The following PRKG2 variants were observed in gnomAD, a reference collection of about 807,000 sequenced individuals.
The protein encoded by PRKG2 is protein kinase cGMP-dependent 2, also known as cGMP-dependent protein kinase 2.
Under a neutral mutation model 97.2 loss-of-function variants are expected in PRKG2, and 33 were observed. The ratio of observed to expected loss-of-function variants is 0.34; its 90% confidence interval spans 0.26 to 0.45. The LOEUF is 0.45. PRKG2 is among the 20% of genes least tolerant of loss of function. The pLI is 1.00. For synonymous variants in PRKG2, 330 were observed against 321.8 expected (o/e 1.03, Z -0.27); for missense variants, 638 against 900.0 (o/e 0.71, Z 3.73).
At chr4:81,197,256 T>G (rs1005787031) in intron 2 of PRKG2, among the ~76,000 whole-genome samples, 1 of 152,034 alleles carries the variant, frequency 6.6e-6, no homozygotes, top group African/African-American at 2.4e-5. Context: ...GTGTCCAGAA[T>G]GTTTTTGAGA....
chr4:81,205,141 G>T, intron 1 of PRKG2, 81 bp from the exon 2 acceptor site: 6 of 860,628 alleles, frequency 7.0e-6, no homozygotes, highest in South Asian at 2.0e-5. Context: ...TTCCTATCTT[G>T]TTTCATAAAT....
In PRKG2 at chr4:81,135,286, C is replaced by G. The variant is rs768113639; in HGVS notation, c.1645G>C (p.Asp549His). Residue 549 changes from aspartate to histidine, a missense_variant, in exon 14 of 19, where the codon GAT becomes CAT. By Grantham distance (81) the Asp-to-His change is moderately conservative (BLOSUM62 -1). Coordinates refer to ENST00000264399, the MANE Select transcript of PRKG2 (RefSeq NM_006259.3). Reference sequence around the variant, plus strand: ...ACGCAGAATTTGGAGGTGGGTTCATCAAAGCTGCCTCTGCAACGAAATCAT... The same window carrying G: ...ACGCAGAATTTGGAGGTGGGTTCATGAAAGCTGCCTCTGCAACGAAATCAT... ...WSILRDRGSFDEPTSKFCVAC... is the reference protein window; with the variant it reads ...WSILRDRGSFHEPTSKFCVAC... 6.2e-7 allele frequency: 1 copy of G among 1,612,232 alleles called. No individual in the cohort carries two copies. The highest frequency in any genetic ancestry group is 8.5e-7 in the Non-Finnish European group (1 of 1,179,100).
chr4:81,107,568 A>G (rs1743471622), intron 15 of PRKG2, among the ~76,000 whole-genome samples: 1 of 152,072 alleles, frequency 6.6e-6, no homozygotes, highest in Admixed American at 6.6e-5. Context: ...GCTGGAGTGC[A>G]GTGGTGCAAT....
chr4:81,197,977 C>T (rs1446114000), intron 2 of PRKG2, among the ~76,000 whole-genome samples: 2 of 152,144 alleles, frequency 1.3e-5, no homozygotes, highest in Non-Finnish European at 2.9e-5. Flanking sequence ...CCAAAAGTGC[C>T]ATGGTTTTTG....
intron 18 of PRKG2, among the ~76,000 whole-genome samples, chr4:81,090,406 T>G (rs1443877042): frequency 6.6e-6 from 1 of 152,068 alleles, no homozygotes; most frequent in Non-Finnish European, 1.5e-5. Context: ...TTTTTTTAAT[T>G]GAAAACTCTT....
rs142065156 is a variant in PRKG2, at chr4:81,177,775, C to T, written c.462-2816G>A. On this transcript the variant is annotated intron_variant, in intron 2 of 18. Transcript: ENST00000264399. ...GCTATTACCAGCATAACTCTTCCTGCTCCCACAAAACAACTATAAAAGCTG... is the reference window on the plus strand; with the variant it reads ...GCTATTACCAGCATAACTCTTCCTGTTCCCACAAAACAACTATAAAAGCTG... Among the ~76,000 whole-genome samples, 571 of 152,188 alleles carry T rather than the reference C, an allele frequency of 3.8e-3. 5 individuals carry two copies. Among genetic ancestry groups the T allele is most frequent in the African/African-American group, 0.013 (537 of 41,532 alleles).
intron 1 of PRKG2, 136 bp downstream of exon 1, chr4:81,214,800 G>A (rs928545987): frequency 2.6e-5 from 4 of 152,412 alleles, no homozygotes; most frequent in Non-Finnish European, 5.9e-5. Context: ...GCACAAGCAA[G>A]AGACCGGCTG....
At chr4:81,212,859 G>T (rs1754075726) in intron 1 of PRKG2, among the ~76,000 whole-genome samples, 1 of 152,164 alleles carries the variant, frequency 6.6e-6, no homozygotes, top group South Asian at 2.1e-4. Flanking sequence ...AGGATGTGAA[G>T]AGATTAATAT....
intron 6 of PRKG2, among the ~76,000 whole-genome samples, chr4:81,156,073 A>G (rs1454705078): frequency 2.6e-5 from 4 of 152,216 alleles, no homozygotes; most frequent in East Asian, 1.9e-4. Flanking sequence ...AAATTCACAC[A>G]TAACAATGTT....
chr4:81,154,522 A>AAGGC (rs1553925242), intron 6 of PRKG2, among the ~76,000 whole-genome samples: 1 of 136,082 alleles, frequency 7.3e-6, no homozygotes, highest in Non-Finnish European at 1.5e-5. Context: ...GACACCTCAC[A>AAGGC]CGGCAGGGTA....
At position 81,110,461 on chromosome 4, in the gene PRKG2, G is replaced by A. The variant is rs752445893; in HGVS notation, c.1927C>T (p.Leu643Phe). ...FWSLGILVYE[L>F]LTGNPPFSGV... ...GAAGGTACATACTTGCCCGTTAGGA[G>A]CTCATACACTAGAATTCCCAGTGAC... Residue 643 changes from leucine (L) to phenylalanine (F), a missense_variant, in exon 15 of 19, where the codon CTC becomes TTC. Transcript: ENST00000264399. 1.2e-6 allele frequency: 2 copies of A among 1,613,248 alleles called. No homozygotes were observed. The highest frequency in any genetic ancestry group is 1.7e-6 in the Non-Finnish European group (2 of 1,179,764).
intron 1 of PRKG2, among the ~76,000 whole-genome samples, chr4:81,206,737 T>TA (rs931264507): frequency 6.6e-6 from 1 of 152,278 alleles, no homozygotes; most frequent in Non-Finnish European, 1.5e-5. Flanking sequence ...GTGAAATACT[T>TA]AGAGTTTTTT....
intron 14 of PRKG2, among the ~76,000 whole-genome samples, chr4:81,133,319 C>T (rs1746356172): frequency 6.6e-6 from 1 of 152,092 alleles, no homozygotes; most frequent in African/African-American, 2.4e-5. Flanking sequence ...TCCTATTTCT[C>T]CAGCAGTTTA....
chr4:81,094,355 A>C (rs1306410692), intron 17 of PRKG2, among the ~76,000 whole-genome samples: 1 of 152,134 alleles, frequency 6.6e-6, no homozygotes, highest in Non-Finnish European at 1.5e-5. Context: ...CTAAGAAAAA[A>C]AAAAGTTTTA....
At chr4:81,176,199 A>T (rs1750910317) in intron 2 of PRKG2, among the ~76,000 whole-genome samples, 1 of 152,166 alleles carries the variant, frequency 6.6e-6, no homozygotes, top group East Asian at 1.9e-4. Flanking sequence ...AGTTCCATCT[A>T]ATCTATTACT....
chr4:81,139,781 C>CA (rs548249378), intron 12 of PRKG2, among the ~76,000 whole-genome samples: 14,807 of 75,352 alleles, frequency 0.2, 1,023 homozygotes, highest in Middle Eastern at 0.36. Flanking sequence ...TCTCAAAAGA[C>CA]AAAAAAAAAA....
chr4:81,100,636 C>T (rs1210208413), intron 17 of PRKG2, among the ~76,000 whole-genome samples: 2 of 152,126 alleles, frequency 1.3e-5, no homozygotes, highest in African/African-American at 4.8e-5. Context: ...TAGGCAATAC[C>T]ATTCAGGACA....
intron 1 of PRKG2, among the ~76,000 whole-genome samples, chr4:81,210,173 T>C (rs1753893881): frequency 6.6e-6 from 1 of 151,774 alleles, no homozygotes; most frequent in Admixed American, 6.6e-5. Flanking sequence ...TTGGGTTTTG[T>C]GATGACTTTT....
intron 15 of PRKG2, 130 bp downstream of exon 15, chr4:81,110,318 A>G: frequency 1.0e-6 from 1 of 954,556 alleles, no homozygotes; most frequent in Non-Finnish European, 1.5e-6. Context: ...TGTCATGAGA[A>G]AAAGGTATCA....
Sources: gnomAD v4.1 joint callset for allele counts (sites outside exome capture counted in the v4.1 genomes callset) on GRCh38, gnomAD v4.1.1 for gene constraint, MANE v1.5 for transcripts, NCBI Gene and HGNC (gene_info 2026-07-23, HGNC 2026-07-21) for gene names.